The following CDK14 variants were observed in gnomAD, a reference collection of about 807,000 sequenced individuals.
The protein encoded by CDK14 is cyclin-dependent kinase 14.
CDK14 carries 34 observed loss-of-function variants against 60.7 expected under a neutral mutation model. That is an observed-to-expected ratio of 0.56 (90% CI 0.43 to 0.75). CDK14 has a LOEUF of 0.75. Ranked by LOEUF, CDK14 falls within the 30% of genes least tolerant of loss-of-function variation. The probability of loss-of-function intolerance (pLI) is 0.00; values close to 1 mark genes in which losing one functional copy is unlikely to be tolerated. For synonymous variants in CDK14, 197 were observed against 203.7 expected (o/e 0.97, Z 0.28); for missense variants, 482 against 564.1 (o/e 0.85, Z 1.47).
Position 91,118,421 on chromosome 7 carries a change from T to C in CDK14, c.*28+213T>C, listed in dbSNP as rs567229939. On this transcript the variant is annotated intron_variant, in intron 14 of 14. Coordinates refer to ENST00000380050, the MANE Select transcript of CDK14 (RefSeq NM_001287135.2). ...TTCTAACTAAAATTATACTTATGCT[T>C]TTATTTATGTAGTCATAGGCAAACC... 5.3e-5 allele frequency among the ~76,000 whole-genome samples: 8 copies of C among 152,296 alleles called. No individual in the cohort carries two copies. In the South Asian group the frequency reaches 1.7e-3, roughly 32 times the overall value.
chr7:90,818,668 A>G (rs1222097653), intron 5 of CDK14, among the ~76,000 whole-genome samples: 1 of 152,196 alleles, frequency 6.6e-6, no homozygotes, highest in African/African-American at 2.4e-5. Context: ...GTAATAGTAA[A>G]TTTGGTTTAT....
rs1219807711 is a variant in CDK14 at position 91,210,167 on chromosome 7, A to G, written c.*3031A>G. 1 of 152,648 alleles carries G rather than the reference A, an allele frequency of 6.6e-6. No homozygotes were observed. Among genetic ancestry groups the G allele is most frequent in the Non-Finnish European group, 1.5e-5 (1 of 68,044 alleles). The allele number at this position is 152,648 out of a possible 1,614,324, so 9.5% of individuals were successfully genotyped here. A position where few individuals can be genotyped will look rare whatever the true frequency, so the allele number is the denominator to read the frequency against. Reference sequence around the variant, plus strand: ...CTGGCTTGTAGGCAGAGGAAACTGTATATGTTACTGCCTTGTACTTTTCTC... The same window carrying G: ...CTGGCTTGTAGGCAGAGGAAACTGTGTATGTTACTGCCTTGTACTTTTCTC... On this transcript the variant is annotated 3_prime_UTR_variant, in exon 15 of 15. Coordinates refer to ENST00000380050, the MANE Select transcript of CDK14 (RefSeq NM_001287135.2).
At chr7:90,890,121 C>G (rs1302754851) in intron 6 of CDK14, among the ~76,000 whole-genome samples, 1 of 152,194 alleles carries the variant, frequency 6.6e-6, no homozygotes, top group African/African-American at 2.4e-5. Flanking sequence ...GCCTGTCATC[C>G]TAGTGCTTTG....
chr7:90,990,669 A>G lies in CDK14; in HGVS notation c.1041+6428A>G, dbSNP rs138008793. Among the ~76,000 whole-genome samples, 319 of 152,240 alleles carry G rather than the reference A, an allele frequency of 2.1e-3. 1 individual carries two copies. The highest frequency in any genetic ancestry group is 7.4e-3 in the African/African-American group (309 of 41,542). Reference sequence around the variant, plus strand: ...TCACAATTGAGTTCATGATAAATTTATGGTTTTGTGTTTAGCTTCTCTTTA... The same window carrying G: ...TCACAATTGAGTTCATGATAAATTTGTGGTTTTGTGTTTAGCTTCTCTTTA... On this transcript the variant is annotated intron_variant, in intron 10 of 14. Transcript: ENST00000380050.
At chr7:91,187,899 C>A (rs1397014978) in intron 14 of CDK14, among the ~76,000 whole-genome samples, 2 of 152,242 alleles carry the variant, frequency 1.3e-5, no homozygotes, top group South Asian at 2.1e-4. Context: ...CTTCTCCTTA[C>A]AGTACGCACG....
At chr7:90,748,726 G>A (rs1369228140) in intron 4 of CDK14, among the ~76,000 whole-genome samples, 2 of 152,040 alleles carry the variant, frequency 1.3e-5, no homozygotes, top group South Asian at 2.1e-4. Context: ...GGGACTACAA[G>A]CCCATGCCAT....
chr7:91,054,564 G>A (rs1392886950), intron 11 of CDK14, among the ~76,000 whole-genome samples: 1 of 152,214 alleles, frequency 6.6e-6, no homozygotes, highest in Non-Finnish European at 1.5e-5. Context: ...TTCTGGTTGA[G>A]CCAGCCATAC....
chr7:90,711,092 T>C (rs1379147149), intron 2 of CDK14, among the ~76,000 whole-genome samples: 1 of 152,066 alleles, frequency 6.6e-6, no homozygotes, highest in African/African-American at 2.4e-5. Context: ...AAAAAATCAG[T>C]AGCTTGCATG....
chr7:91,092,861 T>C (rs1170347162), intron 12 of CDK14, among the ~76,000 whole-genome samples: 1 of 152,196 alleles, frequency 6.6e-6, no homozygotes, highest in African/African-American at 2.4e-5. Flanking sequence ...CACATTCTAA[T>C]GTAGAAGGAA....
intron 7 of CDK14, among the ~76,000 whole-genome samples, chr7:90,906,559 A>T (rs751028755): frequency 1.3e-5 from 2 of 152,130 alleles, no homozygotes; most frequent in East Asian, 3.8e-4. Context: ...ATTCTGCAGC[A>T]TGACAGTATA....
intron 10 of CDK14, among the ~76,000 whole-genome samples, chr7:90,999,395 T>C (rs1046380777): frequency 8.0e-5 from 12 of 149,416 alleles, no homozygotes; most frequent in African/African-American, 2.7e-4. Context: ...GAGACCAGCC[T>C]GGCCAACATG....
Position 90,750,190 on chromosome 7 carries a change from AC to A in CDK14, c.464+2416del, listed in dbSNP as rs35743632. On this transcript the variant is annotated intron_variant, in intron 4 of 14. Transcript: ENST00000380050. ...CACACACACACACACACACACACAC[AC>A]ACACACACACCAATAATATTACAGA... Among the ~76,000 whole-genome samples the A allele has an allele frequency of 9.6e-3, 1,377 of 143,696 alleles. 18 individuals carry two copies. The highest frequency in any genetic ancestry group is 0.019 in the East Asian group (96 of 5,124). The allele number at this position is 143,696 out of a possible 152,430, so 94.3% of individuals were successfully genotyped here.
At chr7:91,026,240 G>A (rs1211692569) in intron 10 of CDK14, among the ~76,000 whole-genome samples, 1 of 152,164 alleles carries the variant, frequency 6.6e-6, no homozygotes, top group East Asian at 1.9e-4. Flanking sequence ...GAGACAATGA[G>A]GAGAGCTGCC....
chr7:90,896,744 G>A (rs1562818524), intron 6 of CDK14, among the ~76,000 whole-genome samples: 1 of 152,144 alleles, frequency 6.6e-6, no homozygotes, highest in Non-Finnish European at 1.5e-5. Context: ...AATCATAAAT[G>A]AATGCTGTTG....
At chr7:90,677,481 TAG>T (rs946841079) in intron 2 of CDK14, among the ~76,000 whole-genome samples, 22 of 152,296 alleles carry the variant, frequency 1.4e-4, no homozygotes, top group Middle Eastern at 3.4e-3. Flanking sequence ...TTTAAGAAAA[TAG>T]AGAGATGTTT....
intron 10 of CDK14, among the ~76,000 whole-genome samples, chr7:90,989,904 T>G (rs1465286427): frequency 1.3e-5 from 2 of 152,090 alleles, no homozygotes; most frequent in East Asian, 3.8e-4. Flanking sequence ...TAAAGAAAAA[T>G]TGCTAAGAAA....
At chr7:90,650,863 TGTA>T (rs1408582534) in intron 2 of CDK14, among the ~76,000 whole-genome samples, 2 of 152,214 alleles carry the variant, frequency 1.3e-5, no homozygotes, top group Admixed American at 1.3e-4. Context: ...ACTGTAGCCT[TGTA>T]GTATAGTTTG....
chr7:90,903,655 A>G (rs1468031266), intron 7 of CDK14, among the ~76,000 whole-genome samples: 1 of 152,178 alleles, frequency 6.6e-6, no homozygotes, highest in South Asian at 2.1e-4. Context: ...ACAGCACAGT[A>G]GTCTAACAAT....
At chr7:90,818,654 A>G (rs2117069165) in intron 5 of CDK14, among the ~76,000 whole-genome samples, 1 of 152,336 alleles carries the variant, frequency 6.6e-6, no homozygotes, top group African/African-American at 2.4e-5. Context: ...TGAATAAGCA[A>G]CGAGTAATAG....
Sources: allele counts gnomAD v4.1 joint callset (sites outside exome capture counted in the v4.1 genomes callset), GRCh38; gene constraint gnomAD v4.1.1; transcripts MANE v1.5; gene names NCBI Gene and HGNC (gene_info 2026-07-23, HGNC 2026-07-21).